HCN1: variants seen among roughly 807,000 people sequenced by gnomAD.
HCN1 encodes the protein hyperpolarization activated cyclic nucleotide gated potassium channel 1.
A neutral mutation model predicts 78.9 loss-of-function variants in HCN1; 13 were observed. The ratio of observed to expected loss-of-function variants is 0.16; its 90% confidence interval spans 0.11 to 0.26. HCN1 has a LOEUF of 0.26. Among genes scored for constraint, HCN1 ranks in the 10% least tolerant of loss-of-function variants. The pLI, the probability that HCN1 is intolerant of heterozygous loss-of-function variation, is 1.00. For missense variants in HCN1, 810 were observed against 1,154.3 expected, an observed-to-expected ratio of 0.70 and a Z score of 4.32; for synonymous variants, 552 against 455.5, an observed-to-expected ratio of 1.21 and a Z score of -2.70.
chr5:45,582,293 G>T (rs569358660), intron 2 of HCN1, among the ~76,000 whole-genome samples: 1 of 152,140 alleles, frequency 6.6e-6, no homozygotes, highest in African/African-American at 2.4e-5. Context: ...TTGTGAATGG[G>T]AGTTCACTCA....
chr5:45,576,673 T>C (rs188155359), intron 2 of HCN1: 32 of 152,254 alleles, frequency 2.1e-4, no homozygotes, highest in African/African-American at 7.2e-4. Flanking sequence ...GTATATTTTG[T>C]AGAGATACTG....
At position 45,328,936 on chromosome 5, in the gene HCN1, A is replaced by G. The variant is rs72762029; in HGVS notation, c.1377+24164T>C. ...TTCTGAGTTTTTCAGTTTGGGAAACAATTAATTTAAACAATATTTAGTGTT... is the reference window on the plus strand; with the variant it reads ...TTCTGAGTTTTTCAGTTTGGGAAACGATTAATTTAAACAATATTTAGTGTT... On this transcript the variant is annotated intron_variant, in intron 5 of 7. Transcript: ENST00000303230. Among the ~76,000 whole-genome samples the G allele has an allele frequency of 9.5e-3, 1,437 of 151,750 alleles. 10 individuals carry two copies. The highest frequency in any genetic ancestry group is 0.028 in the South Asian group (134 of 4,830).
At chr5:45,557,925 C>G (rs924271147) in intron 2 of HCN1, 1 of 151,968 alleles carries the variant, frequency 6.6e-6, no homozygotes, top group Non-Finnish European at 1.5e-5. Context: ...CCACAATGGA[C>G]TCTAGGTGTC....
chr5:45,445,381 C>A (rs1463223307), intron 3 of HCN1, among the ~76,000 whole-genome samples: 1 of 152,196 alleles, frequency 6.6e-6, no homozygotes, highest in Non-Finnish European at 1.5e-5. Context: ...AAAGCAGCCC[C>A]CAGGCTTGAA....
At chr5:45,589,689 T>C (rs1744321071) in intron 2 of HCN1, among the ~76,000 whole-genome samples, 3 of 152,248 alleles carry the variant, frequency 2.0e-5, no homozygotes, top group Admixed American at 6.5e-5. Flanking sequence ...TCCATGTGAA[T>C]GGCAATACAT....
In HCN1 at chr5:45,537,422, C is replaced by T. The variant is rs147144301; in HGVS notation, c.850-75415G>A. On this transcript the variant is annotated intron_variant, in intron 2 of 7. Transcript: ENST00000303230. ...TTTTTGTTTTTTTTTAACAATACCTCTGTTTGAAAACATTTGCCAAACATG... is the reference window on the plus strand; with the variant it reads ...TTTTTGTTTTTTTTTAACAATACCTTTGTTTGAAAACATTTGCCAAACATG... Among the ~76,000 whole-genome samples, 128 of 141,682 alleles carry T rather than the reference C, an allele frequency of 9.0e-4. 3 individuals carry two copies. The South Asian group carries it at 0.021, about 23-fold the overall frequency. 92.9% of individuals were successfully genotyped at this position (141,682 alleles called of 152,430 possible).
intron 4 of HCN1, among the ~76,000 whole-genome samples, chr5:45,373,964 A>C (rs1394453640): frequency 9.5e-6 from 1 of 104,842 alleles, no homozygotes; most frequent in Non-Finnish European, 2.0e-5. Context: ...TATATAATAT[A>C]TTACATACAG....
intron 3 of HCN1, among the ~76,000 whole-genome samples, chr5:45,417,140 T>G (rs554896597): frequency 2.6e-5 from 4 of 151,958 alleles, no homozygotes; most frequent in Non-Finnish European, 5.9e-5. Flanking sequence ...AGGCATGTAG[T>G]GTGTAGCCAT....
At chr5:45,440,335 T>C (rs1313230981) in intron 3 of HCN1, among the ~76,000 whole-genome samples, 2 of 152,190 alleles carry the variant, frequency 1.3e-5, no homozygotes, top group South Asian at 4.1e-4. Flanking sequence ...AGTCAAGAAA[T>C]ATTTGTTGAC....
At chr5:45,639,222 C>T (rs572499302) in intron 2 of HCN1, among the ~76,000 whole-genome samples, 13 of 151,944 alleles carry the variant, frequency 8.6e-5, no homozygotes, top group Admixed American at 5.9e-4. Flanking sequence ...AAAGATAGAA[C>T]CTTAAAGTAA....
chr5:45,277,445 A>T (rs1440539748), intron 6 of HCN1, among the ~76,000 whole-genome samples: 2 of 152,138 alleles, frequency 1.3e-5, no homozygotes, highest in Admixed American at 6.6e-5. Context: ...GGCATCCATG[A>T]TTTTGAACCT....
rs537752075 is a variant in HCN1, at chr5:45,695,618, G to C, written c.425+51C>G. The C allele has an allele frequency of 6.4e-5, 101 of 1,573,854 alleles. 1 individual carries two copies. In the South Asian group the frequency reaches 1.0e-3, roughly 16 times the overall value. On this transcript the variant is annotated intron_variant, in intron 1 of 7. Coordinates refer to ENST00000303230, the MANE Select transcript of HCN1 (RefSeq NM_021072.4). ...CCCCCACCCAAGGGCGGGGAAGCGC[G>C]TTTCAGGGCGCGCCTGAAGGGAGGG...
chr5:45,661,482 C>CA (rs1283453036), intron 1 of HCN1, among the ~76,000 whole-genome samples: 1 of 122,108 alleles, frequency 8.2e-6, no homozygotes, highest in Non-Finnish European at 1.7e-5. Context: ...AATAGAGACA[C>CA]AAAAAACCCT....
intron 3 of HCN1, among the ~76,000 whole-genome samples, chr5:45,431,078 T>G (rs1019441082): frequency 1.3e-5 from 2 of 152,194 alleles, no homozygotes; most frequent in African/African-American, 4.8e-5. Flanking sequence ...AGCATTCTCT[T>G]TTCTCTGTAA....
At chr5:45,592,085 T>C (rs913658402) in intron 2 of HCN1, among the ~76,000 whole-genome samples, 1 of 152,166 alleles carries the variant, frequency 6.6e-6, no homozygotes, top group African/African-American at 2.4e-5. Context: ...CTATACTCCA[T>C]TGTCAAAAAT....
chr5:45,324,845 A>G (rs1007697057), intron 5 of HCN1, among the ~76,000 whole-genome samples: 1 of 151,812 alleles, frequency 6.6e-6, no homozygotes, highest in Non-Finnish European at 1.5e-5. Flanking sequence ...AAATTTTTTA[A>G]AGTTAAAATA....
chr5:45,414,375 A>G (rs934437370), intron 3 of HCN1, among the ~76,000 whole-genome samples: 2 of 152,068 alleles, frequency 1.3e-5, no homozygotes, highest in Non-Finnish European at 2.9e-5. Context: ...CATCTAAAAA[A>G]GAGGCCTCTC....
At chr5:45,266,162 A>G (rs966765108) in intron 7 of HCN1, among the ~76,000 whole-genome samples, 3 of 152,226 alleles carry the variant, frequency 2.0e-5, no homozygotes, top group Non-Finnish European at 2.9e-5. Context: ...CAATTATGCA[A>G]ATCTTCAAAC....
intron 2 of HCN1, among the ~76,000 whole-genome samples, chr5:45,466,834 T>C (rs749957545): frequency 4.6e-5 from 7 of 152,136 alleles, no homozygotes; most frequent in Non-Finnish European, 1.0e-4. Context: ...AGAATAACAC[T>C]CTTCATAGTA....
Sources: allele counts gnomAD v4.1 joint callset (sites outside exome capture counted in the v4.1 genomes callset), GRCh38; gene constraint gnomAD v4.1.1; transcripts MANE v1.5; gene names NCBI Gene and HGNC (gene_info 2026-07-23, HGNC 2026-07-21).